Variants in SPEF2 observed in about 807,000 individuals in gnomAD.
SPEF2 encodes sperm flagella and cilia-associated protein 2.
SPEF2 carries 187 observed loss-of-function variants against 224.6 expected under a neutral mutation model. The ratio of observed to expected loss-of-function variants is 0.83; its 90% CI spans 0.74 to 0.94. The LOEUF (loss-of-function observed/expected upper bound fraction) is 0.94, where lower values mean the gene tolerates loss of function less well. Ranked by LOEUF, SPEF2 falls within the 40% of genes least tolerant of loss-of-function variation. The pLI is 0.00. For synonymous variants in SPEF2, 715 were observed against 707.3 expected, an observed-to-expected ratio of 1.01 and a Z score of -0.17; for missense variants, 2,170 against 2,135.6, an observed-to-expected ratio of 1.02 and a Z score of -0.32.
intron 23 of SPEF2, among the ~76,000 whole-genome samples, chr5:35,745,652 C>A (rs1748403831): frequency 6.6e-6 from 1 of 152,192 alleles, no homozygotes; most frequent in Non-Finnish European, 1.5e-5. Context: ...CCAACCCCGA[C>A]AGCAGCTGCA....
intron 23 of SPEF2, among the ~76,000 whole-genome samples, chr5:35,748,084 G>A (rs765570683): frequency 1.3e-5 from 2 of 152,134 alleles, no homozygotes; most frequent in Admixed American, 6.6e-5. Flanking sequence ...TCCTGAATAA[G>A]CATTGGATCA....
chr5:35,667,372 A>G (rs1750627958), intron 9 of SPEF2, 113 bp downstream of exon 9: 3 of 1,008,588 alleles, frequency 3.0e-6, no homozygotes, highest in Admixed American at 7.0e-5. Flanking sequence ...GATTCATGAA[A>G]AGACTAAAAG....
intron 25 of SPEF2, among the ~76,000 whole-genome samples, chr5:35,762,369 C>G (rs1751428075): frequency 1.3e-5 from 2 of 152,152 alleles, no homozygotes; most frequent in South Asian, 4.1e-4. Context: ...ATCGCACAAG[C>G]CTTACCCGAA....
chr5:35,708,927 A>G (rs1458917680), intron 18 of SPEF2, 21 bp from the exon 19 acceptor site: 5 of 1,595,258 alleles, frequency 3.1e-6, no homozygotes, highest in South Asian at 1.1e-5. Context: ...ATGAAGGTCA[A>G]TTCTTATCAT....
intron 21 of SPEF2, among the ~76,000 whole-genome samples, chr5:35,739,273 A>G (rs1747173090): frequency 6.6e-6 from 1 of 152,202 alleles, no homozygotes; most frequent in South Asian, 2.1e-4. Context: ...TGATGTTACA[A>G]TTAACGTCAT....
intron 3 of SPEF2, chr5:35,643,605 G>A (rs1371957788): frequency 2.2e-6 from 1 of 453,740 alleles, no homozygotes; most frequent in Admixed American, 2.4e-5. Flanking sequence ...GACGGAAAGA[G>A]GAATATGCAA....
chr5:35,703,685 TG>T (rs759539717), intron 16 of SPEF2, among the ~76,000 whole-genome samples: 46 of 152,130 alleles, frequency 3.0e-4, no homozygotes, highest in Non-Finnish European at 2.2e-4. Flanking sequence ...AGATGGTGCA[TG>T]GGCATCTCCC....
chr5:35,763,492 T>A, intron 25 of SPEF2, 30 bp from the exon 26 acceptor site: 1 of 1,510,772 alleles, frequency 6.6e-7, no homozygotes, highest in South Asian at 1.4e-5. Context: ...GCAAAATTTT[T>A]TATCCTTTTT....
At chr5:35,671,204 G>A (rs760015500) in intron 10 of SPEF2, 24 of 984,912 alleles carry the variant, frequency 2.4e-5, no homozygotes, top group Non-Finnish European at 2.9e-5. Context: ...AGGTTTGTGG[G>A]ACAAAGGGTG....
At chr5:35,779,701 T>C (rs959392362) in intron 30 of SPEF2, among the ~76,000 whole-genome samples, 2 of 152,208 alleles carry the variant, frequency 1.3e-5, no homozygotes, top group African/African-American at 4.8e-5. Flanking sequence ...ATTGAGATTA[T>C]GAGTTTGTGT....
In SPEF2 at chr5:35,618,060, G is replaced by C; in HGVS notation, c.58+5G>C. On this transcript the variant is annotated splice_donor_5th_base_variant and intron_variant, in intron 1 of 36. Coordinates refer to ENST00000356031, the MANE Select transcript of SPEF2 (RefSeq NM_024867.4). ...TGAAGGTGTCCCGGACCGTGAGTGA[G>C]TGACCACGGCCAGGGGCGAGCGTCT... The C allele has an allele frequency of 6.3e-7, 1 of 1,580,930 alleles. No individual in the cohort carries two copies. The highest frequency in any genetic ancestry group is 1.1e-5 in the South Asian group (1 of 87,020).
At chr5:35,722,636 T>TC (rs1326097785) in intron 20 of SPEF2, among the ~76,000 whole-genome samples, 3 of 47,342 alleles carry the variant, frequency 6.3e-5, no homozygotes, top group Admixed American at 3.0e-4. Context: ...CCCTCCCCCC[T>TC]CCCCCCACCC....
intron 24 of SPEF2, among the ~76,000 whole-genome samples, chr5:35,755,515 A>C (rs1750303788): frequency 6.6e-6 from 1 of 152,192 alleles, no homozygotes; most frequent in South Asian, 2.1e-4. Flanking sequence ...TCTAAGACCA[A>C]CAAGGAATAA....
intron 30 of SPEF2, chr5:35,790,679 G>A (rs1755822925): frequency 5.1e-6 from 1 of 195,898 alleles, no homozygotes; most frequent in African/African-American, 2.3e-5. Flanking sequence ...TCCTAAGGGT[G>A]ACCAGACTAT....
rs762013671 is a variant in SPEF2 at position 35,641,609 on chromosome 5, G to A, written c.340G>A (p.Gly114Arg). 1 of 1,613,660 alleles carries A rather than the reference G, an allele frequency of 6.2e-7. No homozygotes were observed. Among genetic ancestry groups the A allele is most frequent in the Non-Finnish European group, 8.5e-7 (1 of 1,179,764 alleles). The change falls in exon 3 of 37, where the codon GGA (glycine) becomes AGA (arginine). Residue 114 changes from glycine (G) to arginine (R), a missense_variant. Coordinates refer to ENST00000356031, the MANE Select transcript of SPEF2 (RefSeq NM_024867.4). ...LQKKKKSGLT[G>R]VEMQTMQRLT... is the part of the protein sequence containing the mutation. ...GAAAAAGAAGAAAAGTGGACTGACT[G>A]GAGTGGAGATGCAAACCATGCAACG... is the stretch of plus-strand genomic sequence containing the variant.
intron 27 of SPEF2, among the ~76,000 whole-genome samples, chr5:35,772,089 G>C (rs1435388431): frequency 6.6e-6 from 1 of 152,222 alleles, no homozygotes; most frequent in Non-Finnish European, 1.5e-5. Context: ...ACAAAGAGAA[G>C]TTTAAAAGCT....
intron 9 of SPEF2, 129 bp from the exon 10 acceptor site, chr5:35,669,930 A>T (rs1168800987): frequency 1.4e-6 from 1 of 707,760 alleles, no homozygotes; most frequent in Non-Finnish European, 2.3e-6. Context: ...AACCTTTAAG[A>T]TCATTTTTCA....
At chr5:35,689,509 TCTC>T (rs1754140438) in intron 10 of SPEF2, among the ~76,000 whole-genome samples, 1 of 152,102 alleles carries the variant, frequency 6.6e-6, no homozygotes, top group African/African-American at 2.4e-5. Context: ...ACTCTCCCCA[TCTC>T]CTCCCTCTAG....
rs564365583 is a variant in SPEF2, at chr5:35,637,986, C to T, written c.162-3445C>T. Among the ~76,000 whole-genome samples, 10 of 152,112 alleles carry T rather than the reference C, an allele frequency of 6.6e-5. No homozygotes were observed. In the South Asian group the frequency reaches 1.9e-3, roughly 28 times the overall value. On this transcript the variant is annotated intron_variant, in intron 2 of 36. Transcript: ENST00000356031. ...CCTTTTGTTGTTGTTGCTGTCTATCCCTTTATGAAAGTGAGAAACTCAGCC... is the reference window on the plus strand; with the variant it reads ...CCTTTTGTTGTTGTTGCTGTCTATCTCTTTATGAAAGTGAGAAACTCAGCC...
Sources: allele counts gnomAD v4.1 joint callset (sites outside exome capture counted in the v4.1 genomes callset), GRCh38; gene constraint gnomAD v4.1.1; transcripts MANE v1.5; gene names NCBI Gene and HGNC (gene_info 2026-07-23, HGNC 2026-07-21).